ZFHX4: variants seen among roughly 807,000 people sequenced by gnomAD.
ZFHX4 encodes zinc finger homeobox 4.
Under a neutral mutation model 267.6 loss-of-function variants are expected in ZFHX4, and 56 were observed. The observed-to-expected ratio is 0.21, with a 90% CI of 0.17 to 0.26. The LOEUF is 0.26. Ranked by LOEUF, ZFHX4 falls within the 10% of genes least tolerant of loss-of-function variation. The pLI is 1.00. For synonymous variants in ZFHX4, 1,778 were observed against 1,665.6 expected, an observed-to-expected ratio of 1.07 and a Z score of -1.64; for missense variants, 4,332 against 4,420.0, an observed-to-expected ratio of 0.98 and a Z score of 0.56.
chr8:76,776,891 T>G (rs998296981), intron 3 of ZFHX4, among the ~76,000 whole-genome samples: 10 of 152,140 alleles, frequency 6.6e-5, no homozygotes, highest in Non-Finnish European at 1.0e-4. Context: ...GTTATTCTTT[T>G]CTTACTAACC....
chr8:76,859,340 G>C (rs1261137441), intron 10 of ZFHX4, among the ~76,000 whole-genome samples: 1 of 151,836 alleles, frequency 6.6e-6, no homozygotes, highest in Non-Finnish European at 1.5e-5. Context: ...CTTTTTAATA[G>C]GATGAATTAT....
At chr8:76,772,217 T>G in intron 3 of ZFHX4, among the ~76,000 whole-genome samples, 1 of 152,072 alleles carries the variant, frequency 6.6e-6, no homozygotes, top group Admixed American at 6.6e-5. Context: ...TGGGAAAGCG[T>G]GGAGGATGAG....
intron 1 of ZFHX4, among the ~76,000 whole-genome samples, chr8:76,694,011 T>C (rs985422730): frequency 1.3e-5 from 2 of 152,208 alleles, no homozygotes; most frequent in African/African-American, 4.8e-5. Context: ...GGTCCAAGAC[T>C]GAATAGCACT....
At chr8:76,856,427 A>T in intron 10 of ZFHX4, 127 bp downstream of exon 10, 1 of 1,111,924 alleles carries the variant, frequency 9.0e-7, no homozygotes. Context: ...TACATTATTT[A>T]AAGTATATAT....
At chr8:76,793,712 G>T (rs966651796) in intron 4 of ZFHX4, among the ~76,000 whole-genome samples, 1 of 152,136 alleles carries the variant, frequency 6.6e-6, no homozygotes, top group South Asian at 2.1e-4. Flanking sequence ...CTATTAAAAA[G>T]AGGTTGGTCT....
At chr8:76,759,383 C>A (rs934830079) in intron 3 of ZFHX4, among the ~76,000 whole-genome samples, 2 of 152,162 alleles carry the variant, frequency 1.3e-5, no homozygotes, top group African/African-American at 4.8e-5. Context: ...TAATTCCTCC[C>A]GGGTGGGATA....
intron 3 of ZFHX4, among the ~76,000 whole-genome samples, chr8:76,735,398 T>C (rs969435642): frequency 1.1e-4 from 16 of 152,108 alleles, no homozygotes; most frequent in African/African-American, 3.6e-4. Flanking sequence ...AAAAAGCTCA[T>C]CTTTTCTATT....
intron 3 of ZFHX4, among the ~76,000 whole-genome samples, chr8:76,715,019 G>T (rs79012187): frequency 6.6e-6 from 1 of 152,024 alleles, no homozygotes; most frequent in Non-Finnish European, 1.5e-5. Flanking sequence ...CTGTGTCTTC[G>T]CTTACTTTTA....
At chr8:76,751,130 C>T (rs555108738) in intron 3 of ZFHX4, among the ~76,000 whole-genome samples, 3 of 152,240 alleles carry the variant, frequency 2.0e-5, no homozygotes, top group Admixed American at 6.5e-5. Flanking sequence ...CACAGAAGAT[C>T]AATTCTTCTG....
rs557845990 is a variant in ZFHX4, at chr8:76,707,529, AT to A, written c.2591-8del. On this transcript the variant is annotated splice_polypyrimidine_tract_variant and intron_variant, in intron 2 of 10. Coordinates refer to ENST00000651372, the MANE Select transcript of ZFHX4 (RefSeq NM_024721.5). ...TTTCTAGTCTCTATTTTTCCTTTTA[AT>A]TTTTTTTTCCTGTAGTAAATAATGA... 2.8e-3 allele frequency: 4,226 copies of A among 1,486,952 alleles called. 118 individuals are homozygous for A. In the African/African-American group the frequency reaches 0.052, roughly 18 times the overall value. The allele number at this position is 1,486,952 out of a possible 1,614,324, so 92.1% of individuals were successfully genotyped here.
In ZFHX4 at chr8:76,864,407, C is replaced by A. The variant is rs754834527; in HGVS notation, c.10693C>A (p.Gln3565Lys). Residue 3565 changes from glutamine (Q) to lysine (K), a missense_variant, in exon 11 of 11, where the codon CAA (glutamine) becomes AAA (lysine). This residue lies in a region of ZFHX4 where 1,648 missense variants were observed against 1,625.0 expected (regional missense o/e 1.01). Coordinates refer to ENST00000651372, the MANE Select transcript of ZFHX4 (RefSeq NM_024721.5). The stretch of plus-strand genomic sequence containing the variant: ...AAGTTTGTGCAGCACCTCAGGGGTT[C>A]AAACCTCACTACCCACAGAAAGTTG... The part of the protein sequence containing the change: ...TSSLCSTSGV[Q>K]TSLPTESCSD... The A allele has an allele frequency of 6.2e-7, 1 of 1,613,772 alleles. No homozygotes were observed.
At chr8:76,861,626 C>G (rs2131976525) in intron 10 of ZFHX4, among the ~76,000 whole-genome samples, 1 of 151,580 alleles carries the variant, frequency 6.6e-6, no homozygotes. Context: ...GTGATGTTGA[C>G]TTCACAGTAT....
At position 76,856,214 on chromosome 8, in the gene ZFHX4, A is replaced by G. The variant is rs1356850035; in HGVS notation, c.9293A>G (p.Tyr3098Cys). 3 of 1,613,816 alleles carry G rather than the reference A, an allele frequency of 1.9e-6. No individual in the cohort carries two copies. The highest frequency in any genetic ancestry group is 2.5e-6 in the Non-Finnish European group (3 of 1,179,858). The change falls in exon 10 of 11, where the codon TAC becomes TGC. Residue 3098 changes from tyrosine (Y) to cysteine (C), a missense_variant. Around this residue, in one of 7 missense-constraint regions of ZFHX4, gnomAD observed 1,648 missense variants for 1,625.0 expected, o/e 1.01. Transcript: ENST00000651372. ...CACGGCATCAGCCTGCCAACAGCCT[A>G]CCCCGGACTCCCCGGCCTTCCTCCA... is the stretch of plus-strand genomic sequence containing the variant. ...SLHGISLPTA[Y>C]PGLPGLPPVL...
At chr8:76,832,463 A>G (rs1811960882) in intron 4 of ZFHX4, among the ~76,000 whole-genome samples, 1 of 152,160 alleles carries the variant, frequency 6.6e-6, no homozygotes, top group Non-Finnish European at 1.5e-5. Context: ...TATTTTCTAA[A>G]AAGATGACTC....
intron 4 of ZFHX4, among the ~76,000 whole-genome samples, chr8:76,812,128 C>A (rs1181891094): frequency 6.6e-6 from 1 of 152,124 alleles, no homozygotes; most frequent in Non-Finnish European, 1.5e-5. Context: ...AAGTAAAAAA[C>A]ATCTAGGGCA....
chr8:76,734,352 A>G (rs1809102733), intron 3 of ZFHX4, among the ~76,000 whole-genome samples: 1 of 152,170 alleles, frequency 6.6e-6, no homozygotes. Flanking sequence ...CATTTAGTTT[A>G]GTAATTGTAA....
At chr8:76,825,817 T>C (rs905518308) in intron 4 of ZFHX4, among the ~76,000 whole-genome samples, 20 of 152,306 alleles carry the variant, frequency 1.3e-4, no homozygotes, top group Admixed American at 1.1e-3. Context: ...ATGGTTGTAG[T>C]CCTTTAAAAA....
At chr8:76,747,797 T>C (rs1219331034) in intron 3 of ZFHX4, among the ~76,000 whole-genome samples, 1 of 152,020 alleles carries the variant, frequency 6.6e-6, no homozygotes, top group East Asian at 1.9e-4. Context: ...CTGGGCGTGG[T>C]GGCAAGCACC....
At chr8:76,774,884 T>G (rs542836686) in intron 3 of ZFHX4, among the ~76,000 whole-genome samples, 1 of 152,148 alleles carries the variant, frequency 6.6e-6, no homozygotes, top group Non-Finnish European at 1.5e-5. Flanking sequence ...CTAAAACTTT[T>G]GCGTTTTTAC....
Sources: gnomAD v4.1 joint callset for allele counts (sites outside exome capture counted in the v4.1 genomes callset) on GRCh38, gnomAD v4.1.1 for gene constraint, gnomAD v4.1.1 regional missense constraint, MANE v1.5 for transcripts, NCBI Gene and HGNC (gene_info 2026-07-23, HGNC 2026-07-21) for gene names.